Variants in PTN observed in about 807,000 individuals in gnomAD.
PTN encodes the protein heparin affin regulatory protein.
A neutral mutation model predicts 24.1 loss-of-function variants in PTN; 18 were observed. The ratio of observed to expected loss-of-function variants is 0.75; its 90% CI spans 0.52 to 1.11. PTN has a LOEUF of 1.11. Ranked by LOEUF, PTN falls within the 50% of genes least tolerant of loss-of-function variation. The probability of loss-of-function intolerance (pLI) is 0.00; values close to 1 mark genes in which losing one functional copy is unlikely to be tolerated. For synonymous variants in PTN, 78 were observed against 68.6 expected, an observed-to-expected ratio of 1.14 and a Z score of -0.67; for missense variants, 163 against 198.8, an observed-to-expected ratio of 0.82 and a Z score of 1.08.
intron 1 of PTN, among the ~76,000 whole-genome samples, chr7:137,294,726 T>C (rs1401281335): frequency 6.6e-6 from 1 of 152,152 alleles, no homozygotes; most frequent in Non-Finnish European, 1.5e-5. Flanking sequence ...CATGTGTATT[T>C]GTACATTTGG....
intron 1 of PTN, among the ~76,000 whole-genome samples, chr7:137,278,199 C>T (rs1288126611): frequency 6.8e-6 from 1 of 147,410 alleles, no homozygotes; most frequent in African/African-American, 2.5e-5. Context: ...CCCAGCTACT[C>T]GGGAGGCTGA....
intron 1 of PTN, among the ~76,000 whole-genome samples, chr7:137,331,008 G>T (rs1050251557): frequency 1.1e-4 from 16 of 152,278 alleles, no homozygotes; most frequent in African/African-American, 3.8e-4. Flanking sequence ...AAGTTCCTCT[G>T]TCCAGGAATG....
At chr7:137,274,796 G>A (rs1018665343) in intron 1 of PTN, among the ~76,000 whole-genome samples, 15 of 152,210 alleles carry the variant, frequency 9.9e-5, no homozygotes, top group Admixed American at 9.8e-4. Flanking sequence ...CAAACACATA[G>A]CCTAACAAGT....
intron 1 of PTN, among the ~76,000 whole-genome samples, chr7:137,301,169 A>G (rs6943993): frequency 0.67 from 101,634 of 151,706 alleles, 34,408 homozygotes; most frequent in South Asian, 0.7. Flanking sequence ...ATGTGTCAGA[A>G]TGAAAAATAA....
At chr7:137,278,981 T>TAATAATAATAATAAA (rs1554466684) in intron 1 of PTN, among the ~76,000 whole-genome samples, 373 of 140,416 alleles carry the variant, frequency 2.7e-3, no homozygotes, top group African/African-American at 4.1e-3. Flanking sequence ...ATAATAATAA[T>TAATAATAATAATAAA]AAAATAAAGA....
At chr7:137,237,412 C>G (rs1808542782) in intron 4 of PTN, among the ~76,000 whole-genome samples, 1 of 152,090 alleles carries the variant, frequency 6.6e-6, no homozygotes, top group South Asian at 2.1e-4. Context: ...CACGACAGCC[C>G]TAGCAGACTA....
intron 1 of PTN, among the ~76,000 whole-genome samples, chr7:137,304,026 G>A (rs1208393698): frequency 6.6e-6 from 1 of 151,984 alleles, no homozygotes; most frequent in African/African-American, 2.4e-5. Context: ...TCTGTACCTA[G>A]ACTGCACAAT....
intron 4 of PTN, among the ~76,000 whole-genome samples, chr7:137,230,146 T>A (rs867915047): frequency 6.6e-6 from 1 of 151,848 alleles, no homozygotes; most frequent in Admixed American, 6.6e-5. Flanking sequence ...CAGGTTTTTG[T>A]ATAAAAGTTT....
intron 1 of PTN, among the ~76,000 whole-genome samples, chr7:137,294,619 A>G (rs568738976): frequency 1.9e-4 from 29 of 152,140 alleles, no homozygotes; most frequent in African/African-American, 7.0e-4. Context: ...CATCCACCTC[A>G]GCCACCAGAA....
chr7:137,238,344 C>T (rs1011582007), intron 4 of PTN, among the ~76,000 whole-genome samples: 1 of 152,150 alleles, frequency 6.6e-6, no homozygotes, highest in African/African-American at 2.4e-5. Flanking sequence ...AACAAGTCAC[C>T]TTGCTGTTCG....
chr7:137,254,578 C>T (rs1808886263), intron 2 of PTN, among the ~76,000 whole-genome samples: 1 of 151,590 alleles, frequency 6.6e-6, no homozygotes, highest in East Asian at 2.0e-4. Context: ...AATAATAAAG[C>T]ACCTGATTAC....
At position 137,256,127 on chromosome 7, in the gene PTN, T is replaced by G. The variant is rs193276302; in HGVS notation, c.-1-1153A>C. On this transcript the variant is annotated intron_variant, in intron 1 of 4. Coordinates refer to ENST00000348225, the MANE Select transcript of PTN (RefSeq NM_002825.7). ...ATATCTGAGATGATATCCTTGCCCG[T>G]GAATTTTTCTCCTTTTCTGTGGCAT... is the stretch of plus-strand genomic sequence containing the variant. Among the ~76,000 whole-genome samples, 9 of 152,344 alleles carry G rather than the reference T, an allele frequency of 5.9e-5. No individual in the cohort carries two copies. In the East Asian group the frequency reaches 1.2e-3, roughly 20 times the overall value.
At chr7:137,235,304 C>G (rs536347880) in intron 4 of PTN, among the ~76,000 whole-genome samples, 5 of 152,202 alleles carry the variant, frequency 3.3e-5, no homozygotes, top group South Asian at 4.1e-4. Flanking sequence ...CCTCGCCCCA[C>G]GTCAGCTATG....
rs1448847709 is a variant in PTN at position 137,341,881 on chromosome 7, C to T, written c.-2+1558G>A. Among the ~76,000 whole-genome samples, 3 of 151,908 alleles carry T rather than the reference C, an allele frequency of 2.0e-5. No individual in the cohort carries two copies. The East Asian group carries it at 5.8e-4, about 29-fold the overall frequency. On this transcript the variant is annotated intron_variant, in intron 1 of 4. Transcript: ENST00000348225. ...TTTAAATAATATAATTTTTTAAAAT[C>T]TCATCTTCTAATTTAAATGAAAAAG...
At chr7:137,340,959 T>A (rs949227088) in intron 1 of PTN, among the ~76,000 whole-genome samples, 1 of 152,182 alleles carries the variant, frequency 6.6e-6, no homozygotes, top group Admixed American at 6.6e-5. Flanking sequence ...AGAACTGGAA[T>A]TTGTATTCTG....
intron 1 of PTN, among the ~76,000 whole-genome samples, chr7:137,297,582 A>G (rs996329737): frequency 3.3e-5 from 5 of 152,064 alleles, no homozygotes; most frequent in African/African-American, 1.2e-4. Context: ...CAGAATCTAC[A>G]GAGAGAAGGA....
rs61521664 is a variant in PTN at position 137,243,925 on chromosome 7, C to T, written c.451+7305G>A. 9.9e-3 allele frequency among the ~76,000 whole-genome samples: 1,503 copies of T among 152,208 alleles called. 21 individuals are homozygous for T. Among genetic ancestry groups the T allele is most frequent in the African/African-American group, 0.035 (1,440 of 41,532 alleles). On this transcript the variant is annotated intron_variant, in intron 4 of 4. Coordinates refer to ENST00000348225, the MANE Select transcript of PTN (RefSeq NM_002825.7). The stretch of plus-strand genomic sequence containing the variant: ...ATCTGTTGACTTTGGCTGCATTATT[C>T]CTGGTCTTGCGGCATCCAAGCGAGA...
intron 4 of PTN, among the ~76,000 whole-genome samples, chr7:137,240,190 A>T (rs1808604479): frequency 1.3e-5 from 2 of 151,972 alleles, no homozygotes; most frequent in South Asian, 4.2e-4. Context: ...ATTATTATTT[A>T]TTTCTCTTTT....
intron 1 of PTN, among the ~76,000 whole-genome samples, chr7:137,302,589 T>C (rs984959433): frequency 2.0e-5 from 3 of 152,022 alleles, no homozygotes; most frequent in Non-Finnish European, 2.9e-5. Flanking sequence ...TACTCTCCAC[T>C]CTCTGGGTAT....
Sources: allele counts gnomAD v4.1 joint callset (sites outside exome capture counted in the v4.1 genomes callset), GRCh38; gene constraint gnomAD v4.1.1; transcripts MANE v1.5; gene names NCBI Gene and HGNC (gene_info 2026-07-23, HGNC 2026-07-21).